Variants in SDK1 observed in about 807,000 individuals in gnomAD.
SDK1 encodes the protein sidekick cell adhesion molecule 1.
In SDK1, 157 loss-of-function variants were observed where a neutral mutation model predicts 245.5. That is an observed-to-expected ratio of 0.64 (90% CI 0.56 to 0.73). The LOEUF (loss-of-function observed/expected upper bound fraction) is 0.73, where lower values mean the gene tolerates loss of function less well. Ranked by LOEUF, SDK1 falls within the 30% of genes least tolerant of loss-of-function variation. The pLI, the probability that SDK1 is intolerant of heterozygous loss-of-function variation, is 0.00. For synonymous variants in SDK1, 1,647 were observed against 1,278.5 expected (o/e 1.29, Z -6.15); for missense variants, 3,583 against 3,002.3 (o/e 1.19, Z -4.52).
intron 5 of SDK1, among the ~76,000 whole-genome samples, chr7:3,910,665 A>G (rs1779132445): frequency 6.6e-6 from 1 of 152,104 alleles, no homozygotes; most frequent in South Asian, 2.1e-4. Context: ...ACAGGTGTAG[A>G]ATGGGACGTC....
chr7:3,556,315 C>T (rs567088696), intron 1 of SDK1, among the ~76,000 whole-genome samples: 1 of 152,234 alleles, frequency 6.6e-6, no homozygotes, highest in Admixed American at 6.5e-5. Flanking sequence ...GGACAAACTT[C>T]ATGTGTTCTC....
chr7:4,085,378 ATATAT>A (rs1017772470), intron 22 of SDK1, among the ~76,000 whole-genome samples: 1 of 152,140 alleles, frequency 6.6e-6, no homozygotes, highest in Admixed American at 6.5e-5. Context: ...TCAGTTTATA[ATATAT>A]TTAGTTTATA....
intron 17 of SDK1, among the ~76,000 whole-genome samples, chr7:4,046,922 G>A (rs537739199): frequency 6.6e-6 from 1 of 151,866 alleles, no homozygotes; most frequent in African/African-American, 2.4e-5. Flanking sequence ...TATATTGATT[G>A]GTTTGGGGAG....
At chr7:3,856,643 T>G (rs1046825620) in intron 5 of SDK1, among the ~76,000 whole-genome samples, 11 of 151,776 alleles carry the variant, frequency 7.2e-5, no homozygotes, top group Admixed American at 1.3e-4. Flanking sequence ...GTACAAAAAT[T>G]AGCCAGGCAT....
intron 28 of SDK1, among the ~76,000 whole-genome samples, chr7:4,133,511 G>A (rs935421674): frequency 2.0e-5 from 3 of 152,202 alleles, no homozygotes; most frequent in African/African-American, 7.2e-5. Flanking sequence ...AGCTCCTTCT[G>A]GGTGGGGTCT....
chr7:4,088,562 T>C (rs1205957817), intron 22 of SDK1, among the ~76,000 whole-genome samples: 2 of 152,214 alleles, frequency 1.3e-5, no homozygotes, highest in Non-Finnish European at 2.9e-5. Context: ...TTGGTTTTTT[T>C]TTTTTAAAGC....
At chr7:3,892,443 T>C in intron 5 of SDK1, among the ~76,000 whole-genome samples, 1 of 152,152 alleles carries the variant, frequency 6.6e-6, no homozygotes, top group South Asian at 2.1e-4. Context: ...CAGGATCTCA[T>C]AAAGCCTCTG....
intron 1 of SDK1, among the ~76,000 whole-genome samples, chr7:3,537,252 C>T (rs1426045868): frequency 6.6e-6 from 1 of 152,204 alleles, no homozygotes; most frequent in African/African-American, 2.4e-5. Flanking sequence ...TCCCATTATC[C>T]ATTTGATCAC....
At chr7:3,478,907 T>G (rs1042568070) in intron 1 of SDK1, among the ~76,000 whole-genome samples, 44 of 152,328 alleles carry the variant, frequency 2.9e-4, no homozygotes, top group African/African-American at 1.1e-3. Flanking sequence ...ATGTATACTT[T>G]AGCTTTATGA....
intron 1 of SDK1, among the ~76,000 whole-genome samples, chr7:3,429,450 C>A (rs930396303): frequency 1.3e-5 from 2 of 152,002 alleles, no homozygotes; most frequent in African/African-American, 4.8e-5. Context: ...ATGAAAGATA[C>A]CAGACCCAAA....
chr7:3,602,596 G>A (rs545518903), intron 1 of SDK1, among the ~76,000 whole-genome samples: 6 of 151,810 alleles, frequency 4.0e-5, no homozygotes, highest in Non-Finnish European at 7.4e-5. Flanking sequence ...AGATGAGTAG[G>A]TTGCAAAAAT....
At chr7:3,429,891 T>C (rs951325276) in intron 1 of SDK1, among the ~76,000 whole-genome samples, 13 of 152,146 alleles carry the variant, frequency 8.5e-5, no homozygotes, top group East Asian at 1.9e-4. Flanking sequence ...ATGACAGATA[T>C]AGAGACACAT....
At chr7:3,462,895 A>C (rs1359778577) in intron 1 of SDK1, among the ~76,000 whole-genome samples, 1 of 152,164 alleles carries the variant, frequency 6.6e-6, no homozygotes, top group African/African-American at 2.4e-5. Flanking sequence ...TGTTACCCCC[A>C]CCAGGTTATC....
intron 4 of SDK1, among the ~76,000 whole-genome samples, chr7:3,803,555 C>T (rs1371527154): frequency 6.6e-6 from 1 of 151,944 alleles, no homozygotes; most frequent in African/African-American, 2.4e-5. Flanking sequence ...AAGTGACTCA[C>T]CCACCTCAGC....
intron 1 of SDK1, among the ~76,000 whole-genome samples, chr7:3,539,586 G>T (rs1778995432): frequency 6.6e-6 from 1 of 152,162 alleles, no homozygotes; most frequent in East Asian, 1.9e-4. Context: ...GGCTCATTAA[G>T]AGCAGGGCCG....
intron 4 of SDK1, among the ~76,000 whole-genome samples, chr7:3,763,407 A>G (rs1280557914): frequency 6.6e-6 from 1 of 152,146 alleles, no homozygotes; most frequent in Non-Finnish European, 1.5e-5. Flanking sequence ...CCATATACTC[A>G]CCACCTAGAT....
intron 1 of SDK1, among the ~76,000 whole-genome samples, chr7:3,542,615 A>G (rs1465361060): frequency 6.6e-6 from 1 of 152,244 alleles, no homozygotes; most frequent in Non-Finnish European, 1.5e-5. Context: ...CAATAACATT[A>G]TTAAAATAAA....
intron 1 of SDK1, among the ~76,000 whole-genome samples, chr7:3,380,745 C>A (rs542268709): frequency 1.3e-4 from 20 of 152,142 alleles, no homozygotes; most frequent in Non-Finnish European, 2.2e-4. Context: ...AACAGAGTGG[C>A]TGCTGCCCCT....
intron 1 of SDK1, chr7:3,338,363 G>T: frequency 1.9e-6 from 1 of 523,524 alleles, no homozygotes; most frequent in East Asian, 4.6e-5. Flanking sequence ...AACAAGGTCA[G>T]GGCACGACTC....
Sources: gnomAD v4.1 joint callset for allele counts (sites outside exome capture counted in the v4.1 genomes callset) on GRCh38, gnomAD v4.1.1 for gene constraint, MANE v1.5 for transcripts, NCBI Gene and HGNC (gene_info 2026-07-23, HGNC 2026-07-21) for gene names.